Variants in DSCAM observed in about 807,000 individuals in gnomAD.
DSCAM encodes the protein cell adhesion molecule DSCAM.
In DSCAM, 47 loss-of-function variants were observed where a neutral mutation model predicts 217.7. The ratio of observed to expected loss-of-function variants is 0.22; its 90% CI spans 0.17 to 0.28. The LOEUF (loss-of-function observed/expected upper bound fraction) is 0.28. Ranked by LOEUF, DSCAM falls within the 10% of genes least tolerant of loss-of-function variation. The probability of loss-of-function intolerance (pLI) is 1.00; values close to 1 mark genes in which losing one functional copy is unlikely to be tolerated. For synonymous variants in DSCAM, 1,056 were observed against 1,015.3 expected, an observed-to-expected ratio of 1.04 and a Z score of -0.76; for missense variants, 2,080 against 2,618.3, an observed-to-expected ratio of 0.79 and a Z score of 4.49.
intron 10 of DSCAM, among the ~76,000 whole-genome samples, chr21:40,285,223 G>A (rs780948201): frequency 1.3e-5 from 2 of 152,186 alleles, no homozygotes; most frequent in Non-Finnish European, 2.9e-5. Context: ...CTCCTGGGAG[G>A]AGCCCTGCAG....
Position 40,832,413 on chromosome 21 carries a change from C to A in DSCAM, c.43+14206G>T, listed in dbSNP as rs2092019031. On this transcript the variant is annotated intron_variant, in intron 1 of 32. Transcript: ENST00000400454. ...AGGGAAATAATTACAAGGAGGATAT[C>A]TTTCTTCAAAGCAAACCAAGAGATT... Among the ~76,000 whole-genome samples the A allele has an allele frequency of 5.9e-5, 9 of 152,064 alleles. No homozygotes were observed. In the South Asian group the frequency reaches 1.9e-3, roughly 32 times the overall value.
At chr21:40,604,091 C>A (rs982989948) in intron 3 of DSCAM, among the ~76,000 whole-genome samples, 1 of 152,000 alleles carries the variant, frequency 6.6e-6, no homozygotes, top group African/African-American at 2.4e-5. Context: ...GTAATTGTCC[C>A]AGAGTACTTG....
chr21:40,139,299 C>T (rs1347284683), intron 18 of DSCAM, among the ~76,000 whole-genome samples: 1 of 151,878 alleles, frequency 6.6e-6, no homozygotes, highest in Admixed American at 6.6e-5. Flanking sequence ...CCAGGGTGGT[C>T]GGGGCACAGT....
At chr21:40,685,940 A>G (rs2090467840) in intron 3 of DSCAM, among the ~76,000 whole-genome samples, 1 of 80,932 alleles carries the variant, frequency 1.2e-5, no homozygotes, top group Non-Finnish European at 2.9e-5. Context: ...GGCAAACAAA[A>G]ACAAAAACAA....
chr21:40,564,758 T>A (rs2076752300), intron 3 of DSCAM, among the ~76,000 whole-genome samples: 1 of 152,214 alleles, frequency 6.6e-6, no homozygotes, highest in Non-Finnish European at 1.5e-5. Context: ...TAAAATTTCC[T>A]AAAATTTTGT....
intron 23 of DSCAM, among the ~76,000 whole-genome samples, chr21:40,085,017 T>A (rs1239178313): frequency 2.0e-5 from 3 of 152,152 alleles, no homozygotes; most frequent in African/African-American, 7.2e-5. Context: ...TGCATACAAA[T>A]CTGAACTCAA....
intron 1 of DSCAM, among the ~76,000 whole-genome samples, chr21:40,824,264 T>A (rs1163088400): frequency 6.6e-6 from 1 of 152,148 alleles, no homozygotes; most frequent in Non-Finnish European, 1.5e-5. Flanking sequence ...CCAATGTCTC[T>A]TATGTGCGGC....
intron 3 of DSCAM, among the ~76,000 whole-genome samples, chr21:40,414,232 T>C (rs2075349558): frequency 6.6e-6 from 1 of 152,202 alleles, no homozygotes; most frequent in African/African-American, 2.4e-5. Flanking sequence ...AACATATATA[T>C]GATAAGGGAC....
At position 40,215,523 on chromosome 21, in the gene DSCAM, G is replaced by A. The variant is rs182847648; in HGVS notation, c.2357-26285C>T. Among the ~76,000 whole-genome samples the A allele has an allele frequency of 1.4e-3, 206 of 152,134 alleles. 1 individual carries two copies. The highest frequency in any genetic ancestry group is 9.0e-4 in the Non-Finnish European group (61 of 67,994). The stretch of plus-strand genomic sequence containing the variant: ...TTTATAGCAACTTGGATGAAACTGG[G>A]GGCCGTTATTCTAAGTGAAGTAACT... On this transcript the variant is annotated intron_variant, in intron 11 of 32. Transcript: ENST00000400454.
chr21:40,307,525 C>T (rs1053432711), intron 9 of DSCAM, among the ~76,000 whole-genome samples: 13 of 152,230 alleles, frequency 8.5e-5, no homozygotes, highest in East Asian at 5.8e-4. Flanking sequence ...GTCAGTGTGG[C>T]GATTCCTCAG....
intron 30 of DSCAM, 144 bp from the exon 31 acceptor site, chr21:40,044,419 A>G: frequency 1.3e-6 from 1 of 747,482 alleles, no homozygotes; most frequent in Middle Eastern, 3.0e-4. Context: ...TCCTGTGCAG[A>G]GGATACTTTC....
intron 3 of DSCAM, among the ~76,000 whole-genome samples, chr21:40,541,025 A>G (rs1384365898): frequency 6.6e-6 from 1 of 152,174 alleles, no homozygotes; most frequent in Non-Finnish European, 1.5e-5. Context: ...TTACAAAACT[A>G]AATGTTATAA....
At chr21:40,335,133 C>T (rs980954408) in intron 8 of DSCAM, among the ~76,000 whole-genome samples, 1 of 152,158 alleles carries the variant, frequency 6.6e-6, no homozygotes, top group South Asian at 2.1e-4. Flanking sequence ...AACCCCTTCA[C>T]ATCTTTGCTC....
chr21:40,190,178 TC>T (rs879599118), intron 11 of DSCAM, among the ~76,000 whole-genome samples: 1 of 152,194 alleles, frequency 6.6e-6, no homozygotes, highest in Non-Finnish European at 1.5e-5. Context: ...AGTTTCCTTT[TC>T]CCACATCAAA....
Position 40,360,121 on chromosome 21 carries a change from G to GTTTTTTTTTTTTTTTTTTTTTTTTTTT in DSCAM, c.656-6379_656-6378insAAAAAAAAAAAAAAAAAAAAAAAAAAA, listed in dbSNP as rs764160478. ...TAGTGAGCATGGTACTTCATAGGTA[G>GTTTTTTTTTTTTTTTTTTTTTTTTTTT]TCTTTTTTTTTTTTTTTTTTTTTTT... On this transcript the variant is annotated intron_variant, in intron 4 of 32. Coordinates refer to ENST00000400454, the MANE Select transcript of DSCAM (RefSeq NM_001389.5). Among the ~76,000 whole-genome samples, 6 of 82,656 alleles carry GTTTTTTTTTTTTTTTTTTTTTTTTTTT rather than the reference G, an allele frequency of 7.3e-5. 3 individuals are homozygous for GTTTTTTTTTTTTTTTTTTTTTTTTTTT. The highest frequency in any genetic ancestry group is 1.0e-4 in the African/African-American group (2 of 19,900). The allele number at this position is 82,656 out of a possible 152,430, so 54.2% of individuals were successfully genotyped here. A position where few individuals can be genotyped will look rare whatever the true frequency, so the allele number is the denominator to read the frequency against.
At chr21:40,410,475 T>C (rs1007510276) in intron 3 of DSCAM, among the ~76,000 whole-genome samples, 11 of 151,120 alleles carry the variant, frequency 7.3e-5, no homozygotes, top group East Asian at 1.9e-4. Flanking sequence ...GAAGGGAGTA[T>C]TGAAATAAAT....
chr21:40,727,416 T>C (rs1460655340), intron 1 of DSCAM, among the ~76,000 whole-genome samples: 1 of 152,234 alleles, frequency 6.6e-6, no homozygotes, highest in Non-Finnish European at 1.5e-5. Flanking sequence ...AAGAGTCACA[T>C]AAGGTATACT....
intron 1 of DSCAM, among the ~76,000 whole-genome samples, chr21:40,817,506 G>A (rs918978424): frequency 1.3e-5 from 2 of 152,188 alleles, no homozygotes; most frequent in Admixed American, 6.5e-5. Context: ...TAATGTGCAG[G>A]AGAGCGCCCT....
rs138582027 is a variant in DSCAM at position 40,104,853 on chromosome 21, C to T, written c.3697-10979G>A. Among the ~76,000 whole-genome samples, 268 of 152,250 alleles carry T rather than the reference C, an allele frequency of 1.8e-3. 1 individual carries two copies. Among genetic ancestry groups the T allele is most frequent in the African/African-American group, 6.1e-3 (255 of 41,544 alleles). On this transcript the variant is annotated intron_variant, in intron 20 of 32. Transcript: ENST00000400454. Reference sequence around the variant, plus strand: ...TCTCAATTTTTCTGTGAACCTAAAACTGCTTAAAAAATAAAGTCAAGTTTT... The same window carrying T: ...TCTCAATTTTTCTGTGAACCTAAAATTGCTTAAAAAATAAAGTCAAGTTTT...
Sources: gnomAD v4.1 joint callset for allele counts (sites outside exome capture counted in the v4.1 genomes callset) on GRCh38, gnomAD v4.1.1 for gene constraint, MANE v1.5 for transcripts, NCBI Gene and HGNC (gene_info 2026-07-23, HGNC 2026-07-21) for gene names.